Variants in SCP2 observed in about 807,000 individuals in gnomAD.
SCP2 encodes sterol carrier protein 2, also known as SCP-2/3-oxoacyl-CoA thiolase.
SCP2 carries 48 observed loss-of-function variants against 71.4 expected under a neutral mutation model. That is an observed-to-expected ratio of 0.67 (90% CI 0.53 to 0.86). The LOEUF (loss-of-function observed/expected upper bound fraction) is 0.86. Among genes scored for constraint, SCP2 ranks in the 40% least tolerant of loss-of-function variants. The pLI, the probability that SCP2 is intolerant of heterozygous loss-of-function variation, is 0.00. For missense variants in SCP2, 560 were observed against 655.6 expected (o/e 0.85, Z 1.59); for synonymous variants, 220 against 218.1 (o/e 1.01, Z -0.08).
intron 11 of SCP2, chr1:52,995,251 G>A (rs1659845278): frequency 6.0e-6 from 3 of 496,096 alleles, no homozygotes; most frequent in Admixed American, 4.5e-5. Flanking sequence ...TGACACCGTG[G>A]TCGAGCCCTA....
intron 8 of SCP2, 37 bp from the exon 9 acceptor site, chr1:52,978,180 C>A: frequency 6.2e-7 from 1 of 1,603,910 alleles, no homozygotes; most frequent in Non-Finnish European, 8.5e-7. Flanking sequence ...CGATCAGGTG[C>A]TACTGGGTGT....
At chr1:52,992,087 G>A (rs904090464) in intron 11 of SCP2, among the ~76,000 whole-genome samples, 2 of 152,192 alleles carry the variant, frequency 1.3e-5, no homozygotes, top group Admixed American at 1.3e-4. Flanking sequence ...GTTGTACTCT[G>A]TTGGGAAGGT....
chr1:53,016,123 C>T (rs1329761663), intron 12 of SCP2, among the ~76,000 whole-genome samples: 1 of 152,100 alleles, frequency 6.6e-6, no homozygotes, highest in Non-Finnish European at 1.5e-5. Context: ...TGGAGACACA[C>T]TTCTTTTATT....
Position 53,015,013 on chromosome 1 carries a change from T to C in SCP2, c.1205T>C (p.Leu402Pro), listed in dbSNP as rs1661234966. ...LGIGGAVVVTLYKMGFPEAAS... is the reference protein window; with the variant it reads ...LGIGGAVVVTPYKMGFPEAAS... ...ATTGGAGGAGCTGTGGTTGTAACAC[T>C]CTACAAGATGGGTTTTCCGGAAGCC... Residue 402 changes from leucine to proline, a missense_variant, in exon 12 of 16, where the codon CTC becomes CCC. Transcript: ENST00000371514. The C allele has an allele frequency of 6.2e-7, 1 of 1,614,072 alleles. No individual in the cohort carries two copies. Among genetic ancestry groups the C allele is most frequent in the Non-Finnish European group, 8.5e-7 (1 of 1,180,032 alleles).
At chr1:52,964,525 T>C (rs1169810677) in intron 6 of SCP2, among the ~76,000 whole-genome samples, 1 of 152,074 alleles carries the variant, frequency 6.6e-6, no homozygotes, top group Non-Finnish European at 1.5e-5. Flanking sequence ...TAAAAGATGA[T>C]ATGCTTCATT....
chr1:52,948,313 G>A (rs564984977), intron 3 of SCP2, among the ~76,000 whole-genome samples: 30 of 152,248 alleles, frequency 2.0e-4, no homozygotes, highest in African/African-American at 7.0e-4. Flanking sequence ...TTCTTTTGGT[G>A]ACTATTCCAA....
chr1:52,969,759 T>G (rs1289032779), intron 6 of SCP2, among the ~76,000 whole-genome samples: 1 of 152,102 alleles, frequency 6.6e-6, no homozygotes, highest in Non-Finnish European at 1.5e-5. Context: ...AGGTGGAGGT[T>G]GCAGTGAGCT....
intron 11 of SCP2, among the ~76,000 whole-genome samples, chr1:52,997,332 C>A: frequency 6.6e-6 from 1 of 152,044 alleles, no homozygotes; most frequent in East Asian, 1.9e-4. Flanking sequence ...CCATGCCCAG[C>A]TAATTTTTGT....
At chr1:52,962,207 C>G (rs993894876) in intron 6 of SCP2, among the ~76,000 whole-genome samples, 1 of 152,078 alleles carries the variant, frequency 6.6e-6, no homozygotes, top group African/African-American at 2.4e-5. Context: ...TGGCCATGGA[C>G]TATAAATTGA....
At chr1:53,026,765 A>T (rs6588454) in intron 12 of SCP2, among the ~76,000 whole-genome samples, 15,111 of 152,044 alleles carry the variant, frequency 0.099, 1,451 homozygotes, top group African/African-American at 0.22. Context: ...CTGTGACAGG[A>T]CCACTGCACC....
intron 11 of SCP2, 118 bp from the exon 12 acceptor site, chr1:53,014,772 A>AT: frequency 8.8e-7 from 1 of 1,136,524 alleles, no homozygotes; most frequent in Admixed American, 2.0e-5. Flanking sequence ...AGAAGTTACT[A>AT]TTTACACAAA....
intron 13 of SCP2, among the ~76,000 whole-genome samples, chr1:53,028,885 T>C (rs1185359148): frequency 6.6e-6 from 1 of 152,036 alleles, no homozygotes; most frequent in Non-Finnish European, 1.5e-5. Context: ...AAGTGATTCT[T>C]GTTCCTCTGC....
At chr1:52,981,629 A>G (rs1040326325) in intron 10 of SCP2, among the ~76,000 whole-genome samples, 1 of 151,440 alleles carries the variant, frequency 6.6e-6, no homozygotes, top group Non-Finnish European at 1.5e-5. Context: ...ACAGGGTTTC[A>G]CCATGTTGCG....
In SCP2 at chr1:52,974,833, G is replaced by C. The variant is rs771187094; in HGVS notation, c.587+1G>C. The C allele has an allele frequency of 7.1e-7, 1 of 1,405,244 alleles. No homozygotes were observed. Among genetic ancestry groups the C allele is most frequent in the Non-Finnish European group, 1.0e-6 (1 of 989,940 alleles). The allele number at this position is 1,405,244 out of a possible 1,614,324, so 87.0% of individuals were successfully genotyped here. A position where few individuals can be genotyped will look rare whatever the true frequency, so the allele number is the denominator to read the frequency against. On this transcript the variant is annotated splice_donor_variant, in intron 7 of 15. Transcript: ENST00000371514. LOFTEE classifies it high-confidence loss of function. ...ATCATAAACATTCAGTTAATAACCC[G>C]TAAGTATTTCAGAGACATGAAATAA...
intron 12 of SCP2, among the ~76,000 whole-genome samples, chr1:53,022,204 G>T (rs1184178879): frequency 6.6e-6 from 1 of 152,182 alleles, no homozygotes; most frequent in Non-Finnish European, 1.5e-5. Context: ...TATGGACGTT[G>T]TATGTAAATG....
chr1:52,995,017 G>A (rs1659823525), intron 11 of SCP2: 3 of 506,986 alleles, frequency 5.9e-6, no homozygotes, highest in Admixed American at 4.3e-5. Context: ...ATCTGGGGCA[G>A]GCAACAACTG....
At chr1:53,041,912 G>C (rs769690779) in intron 14 of SCP2, among the ~76,000 whole-genome samples, 1 of 152,176 alleles carries the variant, frequency 6.6e-6, no homozygotes, top group Non-Finnish European at 1.5e-5. Flanking sequence ...GGGGCATTTT[G>C]AGAGGAGAGG....
At chr1:52,945,005 A>G (rs1228744226) in intron 2 of SCP2, among the ~76,000 whole-genome samples, 2 of 151,918 alleles carry the variant, frequency 1.3e-5, no homozygotes, top group African/African-American at 4.8e-5. Context: ...TTTGTAACTC[A>G]TTCTTTCCCA....
chr1:52,957,700 A>G (rs75794829), intron 5 of SCP2, among the ~76,000 whole-genome samples: 8,387 of 152,312 alleles, frequency 0.055, 383 homozygotes, highest in African/African-American at 0.12. Flanking sequence ...TCTTTCTCTC[A>G]TGAATTGTGC....
Sources: gnomAD v4.1 joint callset for allele counts (sites outside exome capture counted in the v4.1 genomes callset) on GRCh38, gnomAD v4.1.1 for gene constraint, MANE v1.5 for transcripts, NCBI Gene and HGNC (gene_info 2026-07-23, HGNC 2026-07-21) for gene names.